ST6GALNAC5: variants seen among roughly 807,000 people sequenced by gnomAD.
ST6GALNAC5 encodes ST6 N-acetylgalactosaminide alpha-2,6-sialyltransferase 5.
In ST6GALNAC5, 27 loss-of-function variants were observed where a neutral mutation model predicts 33.6. The observed-to-expected ratio is 0.80, with a 90% CI of 0.59 to 1.11. The LOEUF (loss-of-function observed/expected upper bound fraction) is 1.11, where lower values mean the gene tolerates loss of function less well. ST6GALNAC5 is among the 50% of genes least tolerant of loss of function. The pLI, the probability that ST6GALNAC5 is intolerant of heterozygous loss-of-function variation, is 0.00. For missense variants in ST6GALNAC5, 428 were observed against 454.0 expected, an observed-to-expected ratio of 0.94 and a Z score of 0.52; for synonymous variants, 194 against 171.2, an observed-to-expected ratio of 1.13 and a Z score of -1.04.
intron 2 of ST6GALNAC5, among the ~76,000 whole-genome samples, chr1:77,001,190 C>T (rs1650146911): frequency 7.4e-6 from 1 of 135,386 alleles, no homozygotes; most frequent in African/African-American, 2.7e-5. Context: ...TGTAGTTCTC[C>T]TTGAAGAGGT....
rs11578373 is a variant in ST6GALNAC5 at position 77,055,812 on chromosome 1, C to T, written c.779+5447C>T. On this transcript the variant is annotated intron_variant, in intron 4 of 4. Coordinates refer to ENST00000477717, the MANE Select transcript of ST6GALNAC5 (RefSeq NM_030965.3). ...CTTAAGAGGAGGGCCCTGTCTCAAT[C>T]CACATTTGTATCATTAGCACTTGTC... Among the ~76,000 whole-genome samples the T allele has an allele frequency of 3.3e-3, 499 of 152,300 alleles. 3 individuals are homozygous for T. The highest frequency in any genetic ancestry group is 6.3e-3 in the Non-Finnish European group (428 of 68,018).
chr1:77,061,462 C>A (rs901568147), intron 4 of ST6GALNAC5, among the ~76,000 whole-genome samples: 2 of 152,190 alleles, frequency 1.3e-5, no homozygotes, highest in Non-Finnish European at 2.9e-5. Flanking sequence ...GCAGGATGAG[C>A]ATCTTTGGGA....
intron 2 of ST6GALNAC5, among the ~76,000 whole-genome samples, chr1:76,996,690 C>T (rs1649950585): frequency 6.6e-6 from 1 of 152,188 alleles, no homozygotes; most frequent in Non-Finnish European, 1.5e-5. Flanking sequence ...AGCTGTGGAA[C>T]TCCTTTCAGT....
intron 2 of ST6GALNAC5, among the ~76,000 whole-genome samples, chr1:76,963,126 G>A (rs1324345472): frequency 2.6e-5 from 4 of 152,154 alleles, no homozygotes. Flanking sequence ...AACAGACTGA[G>A]CTAAGGCAGG....
At chr1:76,876,496 A>T (rs1653641754) in intron 2 of ST6GALNAC5, among the ~76,000 whole-genome samples, 1 of 152,140 alleles carries the variant, frequency 6.6e-6, no homozygotes, top group Non-Finnish European at 1.5e-5. Context: ...GGATACAAAT[A>T]TCTTCACATT....
intron 3 of ST6GALNAC5, among the ~76,000 whole-genome samples, chr1:77,045,876 C>T (rs1346512623): frequency 6.6e-6 from 1 of 152,158 alleles, no homozygotes; most frequent in African/African-American, 2.4e-5. Context: ...CTAGAGAGTA[C>T]AGCTCTGGGT....
intron 2 of ST6GALNAC5, among the ~76,000 whole-genome samples, chr1:77,004,286 G>C (rs1486574601): frequency 6.7e-6 from 1 of 149,638 alleles, no homozygotes; most frequent in Admixed American, 6.7e-5. Context: ...GATCGCATCA[G>C]CTCCTGAGGC....
intron 2 of ST6GALNAC5, among the ~76,000 whole-genome samples, chr1:76,944,793 C>CTTCTTCCCTCCACTAGTTT (rs970473879): frequency 5.3e-5 from 8 of 152,074 alleles, no homozygotes; most frequent in Non-Finnish European, 1.0e-4. Flanking sequence ...AACGCACTCT[C>CTTCTTCCCTCCACTAGTTT]TTCTTCCCTC....
intron 2 of ST6GALNAC5, among the ~76,000 whole-genome samples, chr1:77,033,189 A>C (rs1343726502): frequency 6.6e-6 from 1 of 152,192 alleles, no homozygotes; most frequent in Non-Finnish European, 1.5e-5. Context: ...GGCCTGTCCC[A>C]CTGACAACTC....
chr1:77,019,792 A>G (rs1044205585), intron 2 of ST6GALNAC5, among the ~76,000 whole-genome samples: 3 of 152,232 alleles, frequency 2.0e-5, no homozygotes, highest in African/African-American at 7.2e-5. Context: ...CATGTCTTCA[A>G]AAATGTGCTT....
chr1:76,877,631 C>T lies in ST6GALNAC5; in HGVS notation c.261+8889C>T, dbSNP rs180831950. On this transcript the variant is annotated intron_variant, in intron 2 of 4. Transcript: ENST00000477717. ...CCTGAATTTTAGTTGGATTTATTTC[C>T]GATCCTCTGGCATGCAAATGTCTCA... 5.5e-4 allele frequency among the ~76,000 whole-genome samples: 84 copies of T among 152,282 alleles called. 1 individual carries two copies. Among genetic ancestry groups the T allele is most frequent in the African/African-American group, 1.9e-3 (77 of 41,562 alleles).
intron 2 of ST6GALNAC5, chr1:76,871,480 ATGT>A (rs1653501580): frequency 6.6e-6 from 1 of 152,214 alleles, no homozygotes; most frequent in Non-Finnish European, 1.5e-5. Flanking sequence ...CAGTTACATG[ATGT>A]TGTTAACATT....
chr1:77,048,786 G>A (rs953159894), intron 3 of ST6GALNAC5, among the ~76,000 whole-genome samples: 1 of 152,136 alleles, frequency 6.6e-6, no homozygotes, highest in African/African-American at 2.4e-5. Flanking sequence ...TACCAAACTT[G>A]GTGCTTTTCA....
At chr1:76,935,685 G>A (rs1188112732) in intron 2 of ST6GALNAC5, among the ~76,000 whole-genome samples, 1 of 151,918 alleles carries the variant, frequency 6.6e-6, no homozygotes, top group Non-Finnish European at 1.5e-5. Flanking sequence ...GAACTGCAAA[G>A]TTAGCACAAA....
intron 2 of ST6GALNAC5, among the ~76,000 whole-genome samples, chr1:76,969,432 A>C (rs1328602039): frequency 6.6e-6 from 1 of 152,194 alleles, no homozygotes; most frequent in Non-Finnish European, 1.5e-5. Flanking sequence ...CTGCTAGTGC[A>C]GCAGTCTGAG....
chr1:76,914,825 G>T (rs1333914649), intron 2 of ST6GALNAC5, among the ~76,000 whole-genome samples: 1 of 152,130 alleles, frequency 6.6e-6, no homozygotes, highest in South Asian at 2.1e-4. Flanking sequence ...GGCAACAAAA[G>T]CCAAAATTGA....
chr1:76,893,593 T>C (rs1654058325), intron 2 of ST6GALNAC5, among the ~76,000 whole-genome samples: 1 of 152,190 alleles, frequency 6.6e-6, no homozygotes, highest in Non-Finnish European at 1.5e-5. Flanking sequence ...TCCCAGCACA[T>C]AGGAAGGACT....
intron 2 of ST6GALNAC5, among the ~76,000 whole-genome samples, chr1:76,943,539 G>A (rs756801854): frequency 3.9e-5 from 6 of 152,048 alleles, no homozygotes; most frequent in Admixed American, 6.6e-5. Context: ...GCACATTTAC[G>A]TGAGTTAAGA....
chr1:76,922,935 C>CA (rs552411649), intron 2 of ST6GALNAC5, among the ~76,000 whole-genome samples: 3,868 of 93,292 alleles, frequency 0.041, 176 homozygotes, highest in African/African-American at 0.12. Context: ...AACCTTGCCT[C>CA]AAAAAAAAAA....
Sources: gnomAD v4.1 joint callset for allele counts (sites outside exome capture counted in the v4.1 genomes callset) on GRCh38, gnomAD v4.1.1 for gene constraint, MANE v1.5 for transcripts, NCBI Gene and HGNC (gene_info 2026-07-23, HGNC 2026-07-21) for gene names.